The following FOXD1 variants were observed in gnomAD, a reference collection of about 807,000 sequenced individuals.
The protein encoded by FOXD1 is forkhead box D1, also known as forkhead box protein D1.
In FOXD1, 4 loss-of-function variants were observed where a neutral mutation model predicts 2.0. The observed-to-expected ratio is 2.03, with a 90% CI of 1.00 to 4.64. The LOEUF (loss-of-function observed/expected upper bound fraction) is 4.64, where lower values mean the gene tolerates loss of function less well. FOXD1 is among the 30% of genes most tolerant of loss of function. The pLI is 0.01. For synonymous variants in FOXD1, 354 were observed against 328.5 expected, an observed-to-expected ratio of 1.08 and a Z score of -0.84; for missense variants, 586 against 647.6, an observed-to-expected ratio of 0.90 and a Z score of 1.03.
chr5:73,448,198 C>T lies in FOXD1; in HGVS notation c.165G>A (p.Arg55=). ...CGTCCTCCCCGGCGTACGAGCGCCGCCGCCGCCGCCGCTGCGCGGGGACAG... is the reference window on the plus strand; with the variant it reads ...CGTCCTCCCCGGCGTACGAGCGCCGTCGCCGCCGCCGCTGCGCGGGGACAG... ...RLAVPAQRRR[R]RRSYAGEDEL... is the part of the protein sequence containing the mutation. Residue 55 remains arginine, a synonymous_variant, in exon 1 of 1, where the codon CGG becomes CGA. Coordinates refer to ENST00000615637, the MANE Select transcript of FOXD1 (RefSeq NM_004472.3). The T allele has an allele frequency of 6.9e-7, 1 of 1,454,990 alleles. No individual in the cohort carries two copies. The allele number at this position is 1,454,990 out of a possible 1,614,324, so 90.1% of individuals were successfully genotyped here.
In FOXD1 at chr5:73,447,793, G is replaced by T; in HGVS notation, c.570C>A (p.Pro190=). Residue 190 remains proline (P), a synonymous_variant, in exon 1 of 1, where the codon CCC becomes CCA. Transcript: ENST00000615637. This position sits in a 1 kb window ranked among gnomAD's most constrained non-coding sequence, Gnocchi z 7.8. The part of the protein sequence containing the change: ...NDCFVKIPRE[P]GNPGKGNYWT... ...AGTAGTTGCCCTTGCCCGGGTTGCC[G>T]GGCTCGCGGGGGATCTTGACGAAGC... The T allele has an allele frequency of 6.2e-7, 1 of 1,610,598 alleles. No individual in the cohort carries two copies. Among genetic ancestry groups the T allele is most frequent in the Non-Finnish European group, 8.5e-7 (1 of 1,178,406 alleles).
Position 73,446,962 on chromosome 5 carries a change from T to C in FOXD1, c.*3A>G. The C allele has an allele frequency of 6.5e-7, 1 of 1,543,782 alleles. No individual in the cohort carries two copies. Among genetic ancestry groups the C allele is most frequent in the Non-Finnish European group, 8.8e-7 (1 of 1,142,654 alleles). On this transcript the variant is annotated 3_prime_UTR_variant, in exon 1 of 1. Transcript: ENST00000615637. The stretch of plus-strand genomic sequence containing the variant: ...CTTCCTCGAGCGCGCTAACATAGCG[T>C]TATTAACAATTGGAAATCCTAGCAG...
In FOXD1 at chr5:73,447,039, C is replaced by T. The variant is rs1323103324; in HGVS notation, c.1324G>A (p.Ala442Thr). ...AAASSVSSSA[A>T]LGTLHQGTAL... ...GTCCCTTGGTGCAGAGTCCCCAAGG[C>T]GGCGGACGAGGAGACTGAGGAGGCG... Residue 442 changes from alanine to threonine, a missense_variant, in exon 1 of 1, where the codon GCC becomes ACC. Ala to Thr is a moderately conservative substitution (Grantham distance 58). This residue lies in a region of FOXD1 where 46 missense variants were observed against 78.6 expected (regional missense o/e 0.58). Transcript: ENST00000615637. The surrounding 1 kb of genome is among the most constrained non-coding windows in gnomAD (Gnocchi z 7.8). 4 of 1,537,174 alleles carry T rather than the reference C, an allele frequency of 2.6e-6. No homozygotes were observed. The highest frequency in any genetic ancestry group is 3.4e-4 in the Middle Eastern group (2 of 5,800).
In FOXD1 at chr5:73,446,560, T is replaced by C. The variant is rs895812330; in HGVS notation, c.*405A>G. 1 of 171,368 alleles carries C rather than the reference T, an allele frequency of 5.8e-6. No individual in the cohort carries two copies. Among genetic ancestry groups the C allele is most frequent in the Non-Finnish European group, 1.3e-5 (1 of 79,814 alleles). The allele number at this position is 171,368 out of a possible 1,614,324, so 10.6% of individuals were successfully genotyped here. On this transcript the variant is annotated 3_prime_UTR_variant, in exon 1 of 1. Transcript: ENST00000615637. ...CTTCGCTGGCATTCTTCAAGACCTT[T>C]ACTATTTTTGTATTATTCTTTTGAC...
Position 73,448,297 on chromosome 5 carries a change from C to T in FOXD1, c.66G>A (p.Val22=), listed in dbSNP as rs1287731896. The change falls in exon 1 of 1, where the codon GTG becomes GTA. Residue 22 remains valine (V), a synonymous_variant. Transcript: ENST00000615637. ...CGTCTTCTTCGTCCTCGCCCTCCCC[C>T]ACCACGTCGATGTCTGTTTCCTCGG... ...GLAEETDIDV[V]GEGEDEEDEE... 2.7e-6 allele frequency: 4 copies of T among 1,468,050 alleles called. No individual in the cohort carries two copies. Among genetic ancestry groups the T allele is most frequent in the Non-Finnish European group, 3.6e-6 (4 of 1,101,744 alleles). 90.9% of individuals were successfully genotyped at this position (1,468,050 alleles called of 1,614,324 possible).
rs1289181456 is a variant in FOXD1, at chr5:73,447,375, G to C, written c.988C>G (p.Arg330Gly). Reference protein sequence around the residue: ...AELARTAFGYRPHPLGAALPG... With the variant: ...AELARTAFGYGPHPLGAALPG... ...AGGGCGGCGCCGAGCGGGTGCGGCC[G>C]GTAGCCGAAGGCGGTCCGGGCCAGC... The change falls in exon 1 of 1, where the codon CGG becomes GGG. Residue 330 changes from arginine (R) to glycine (G), a missense_variant. Arg to Gly is a moderately radical substitution (Grantham distance 125). Around this residue, in one of 4 missense-constraint regions of FOXD1, gnomAD observed 253 missense variants for 234.4 expected, o/e 1.08. Coordinates refer to ENST00000615637, the MANE Select transcript of FOXD1 (RefSeq NM_004472.3). The surrounding 1 kb of genome is among the most constrained non-coding windows in gnomAD (Gnocchi z 7.8). 1 of 982,616 alleles carries C rather than the reference G, an allele frequency of 1.0e-6. No individual in the cohort carries two copies. Among genetic ancestry groups the C allele is most frequent in the Non-Finnish European group, 1.2e-6 (1 of 829,654 alleles). 60.9% of individuals were successfully genotyped at this position (982,616 alleles called of 1,614,324 possible).
chr5:73,447,951 T>G lies in FOXD1; in HGVS notation c.412A>C (p.Ile138Leu). 6.2e-7 allele frequency: 1 copy of G among 1,608,074 alleles called. No individual in the cohort carries two copies. Among genetic ancestry groups the G allele is most frequent in the Non-Finnish European group, 8.5e-7 (1 of 1,177,182 alleles). The part of the protein sequence containing the change: ...YSYIALITMA[I>L]LQSPKKRLTL... ...AGCCGCTTCTTGGGGCTCTGCAGGA[T>G]GGCCATAGTGATGAGCGCGATATAC... The change falls in exon 1 of 1, where the codon ATC becomes CTC. Residue 138 changes from isoleucine (I) to leucine (L), a missense_variant. Transcript: ENST00000615637. The surrounding 1 kb of genome is among the most constrained non-coding windows in gnomAD (Gnocchi z 7.8).
Position 73,447,668 on chromosome 5 carries a change from G to C in FOXD1, c.695C>G (p.Ala232Gly). 6.3e-7 allele frequency: 1 copy of C among 1,580,036 alleles called. No homozygotes were observed. The highest frequency in any genetic ancestry group is 1.4e-5 in the African/African-American group (1 of 72,566). Residue 232 changes from alanine to glycine, a missense_variant, in exon 1 of 1, where the codon GCG becomes GGG. Around this residue, in one of 4 missense-constraint regions of FOXD1, gnomAD observed 253 missense variants for 234.4 expected, o/e 1.08. Transcript: ENST00000615637. The surrounding 1 kb of genome is among the most constrained non-coding windows in gnomAD (Gnocchi z 7.8). ...KRQPLLPPNA[A>G]AAESLLLRGA... ...GCGCAGCAGCAGAGACTCGGCGGCC[G>C]CGGCGTTGGGTGGGAGCAGCGGCTG...
In FOXD1 at chr5:73,448,373, C is replaced by G. The variant is rs1402151463; in HGVS notation, c.-11G>C. On this transcript the variant is annotated 5_prime_UTR_variant, in exon 1 of 1. Coordinates refer to ENST00000615637, the MANE Select transcript of FOXD1 (RefSeq NM_004472.3). ...AGTGCTCAGGGTCATAGCTGTGGCG[C>G]GGCGGCGGCGGGGCGGCGCATGGGG... The G allele has an allele frequency of 8.2e-6, 10 of 1,214,144 alleles. No homozygotes were observed. The highest frequency in any genetic ancestry group is 1.0e-5 in the Non-Finnish European group (10 of 959,632). 75.2% of individuals were successfully genotyped at this position (1,214,144 alleles called of 1,614,324 possible).
In FOXD1 at chr5:73,448,280, T is replaced by G; in HGVS notation, c.83A>C (p.Glu28Ala). 1 of 1,474,170 alleles carries G rather than the reference T, an allele frequency of 6.8e-7. No homozygotes were observed. The highest frequency in any genetic ancestry group is 9.1e-7 in the Non-Finnish European group (1 of 1,104,846). 91.3% of individuals were successfully genotyped at this position (1,474,170 alleles called of 1,614,324 possible). A position where few individuals can be genotyped will look rare whatever the true frequency, so the allele number is the denominator to read the frequency against. ...GTCGTCCTCCTCTTCCTCGTCTTCTTCGTCCTCGCCCTCCCCCACCACGTC... is the reference window on the plus strand; with the variant it reads ...GTCGTCCTCCTCTTCCTCGTCTTCTGCGTCCTCGCCCTCCCCCACCACGTC... ...DIDVVGEGED[E>A]EDEEEEDDDE... is the part of the protein sequence containing the mutation. Residue 28 changes from glutamate (E) to alanine (A), a missense_variant, in exon 1 of 1, where the codon GAA becomes GCA. Glu to Ala is a moderately radical substitution (Grantham distance 107, BLOSUM62 -1). This residue lies in a region of FOXD1 where 183 missense variants were observed against 159.2 expected (regional missense o/e 1.15). Coordinates refer to ENST00000615637, the MANE Select transcript of FOXD1 (RefSeq NM_004472.3).
At position 73,448,164 on chromosome 5, in the gene FOXD1, C is replaced by G. The variant is rs1338321580; in HGVS notation, c.199G>C (p.Asp67His). The G allele has an allele frequency of 2.1e-6, 3 of 1,434,860 alleles. No homozygotes were observed. Among genetic ancestry groups the G allele is most frequent in the Non-Finnish European group, 2.8e-6 (3 of 1,087,158 alleles). 88.9% of individuals were successfully genotyped at this position (1,434,860 alleles called of 1,614,324 possible). A position where few individuals can be genotyped will look rare whatever the true frequency, so the allele number is the denominator to read the frequency against. ...TCGTCGTCCTCCTCCTCCTCCAGAT[C>G]CTCCAGCTCGTCCTCCCCGGCGTAC... ...RSYAGEDELE[D>H]LEEEEDDDDI... is the part of the protein sequence containing the mutation. The change falls in exon 1 of 1, where the codon GAT (aspartate) becomes CAT (histidine). Residue 67 changes from aspartate (D) to histidine (H), a missense_variant. Transcript: ENST00000615637.
rs1405047635 is a variant in FOXD1, at chr5:73,448,418, C to G, written c.-56G>C. The G allele has an allele frequency of 2.4e-5, 26 of 1,078,202 alleles. No individual in the cohort carries two copies. The highest frequency in any genetic ancestry group is 4.1e-5 in the South Asian group (1 of 24,162). 66.8% of individuals were successfully genotyped at this position (1,078,202 alleles called of 1,614,324 possible). A position where few individuals can be genotyped will look rare whatever the true frequency, so the allele number is the denominator to read the frequency against. The stretch of plus-strand genomic sequence containing the variant: ...ATGGGGGCGCCGGGCTCCGGGCTCC[C>G]TCTGCGCCCCAGCCCGGGTCCCGGG... On this transcript the variant is annotated 5_prime_UTR_variant, in exon 1 of 1. Coordinates refer to ENST00000615637, the MANE Select transcript of FOXD1 (RefSeq NM_004472.3).
Position 73,447,310 on chromosome 5 carries a change from G to C in FOXD1, c.1053C>G (p.Gly351=). ...PLPASAAKAG[G]PGASALARSP... ...AGCGCGCCAGCGCTGAGGCGCCCGG[G>C]CCGCCCGCCTTGGCCGCGGAGGCCG... The change falls in exon 1 of 1, where the codon GGC becomes GGG. Residue 351 remains glycine (G), a synonymous_variant. Transcript: ENST00000615637. The surrounding 1 kb of genome is among the most constrained non-coding windows in gnomAD (Gnocchi z 7.8). 1 of 985,052 alleles carries C rather than the reference G, an allele frequency of 1.0e-6. No homozygotes were observed. Among genetic ancestry groups the C allele is most frequent in the Non-Finnish European group, 1.2e-6 (1 of 831,206 alleles). 61.0% of individuals were successfully genotyped at this position (985,052 alleles called of 1,614,324 possible). A position where few individuals can be genotyped will look rare whatever the true frequency, so the allele number is the denominator to read the frequency against.
At position 73,447,623 on chromosome 5, in the gene FOXD1, C is replaced by G. The variant is rs774028561; in HGVS notation, c.740G>C (p.Gly247Ala). Residue 247 changes from glycine (G) to alanine (A), a missense_variant, in exon 1 of 1, where the codon GGC becomes GCC. Coordinates refer to ENST00000615637, the MANE Select transcript of FOXD1 (RefSeq NM_004472.3). The surrounding 1 kb of genome is among the most constrained non-coding windows in gnomAD (Gnocchi z 7.8). ...LLLRGAGAAG[G>A]AGDPAAAAAL... ...GGCGGCGGCTGCCGGGTCGCCCGCG[C>G]CCCCTGCGGCTCCCGCGCCGCGCAG... is the stretch of plus-strand genomic sequence containing the variant. 1.5e-4 allele frequency: 205 copies of G among 1,343,748 alleles called. No individual in the cohort carries two copies. Among genetic ancestry groups the G allele is most frequent in the Non-Finnish European group, 1.9e-4 (195 of 1,048,366 alleles). The allele number at this position is 1,343,748 out of a possible 1,614,324, so 83.2% of individuals were successfully genotyped here. A position where few individuals can be genotyped will look rare whatever the true frequency, so the allele number is the denominator to read the frequency against.
In FOXD1 at chr5:73,448,139, T is replaced by G; in HGVS notation, c.224A>C (p.Asp75Ala). 1.5e-6 allele frequency: 2 copies of G among 1,373,288 alleles called. No homozygotes were observed. The highest frequency in any genetic ancestry group is 1.9e-6 in the Non-Finnish European group (2 of 1,055,068). 85.1% of individuals were successfully genotyped at this position (1,373,288 alleles called of 1,614,324 possible). ...LEDLEEEEDD[D>A]DILLAPPAGG... ...AGCAGGCGGGGCCAGCAGGATGTCA[T>G]CGTCGTCCTCCTCCTCCTCCAGATC... is the stretch of plus-strand genomic sequence containing the variant. Residue 75 changes from aspartate to alanine, a missense_variant, in exon 1 of 1, where the codon GAT (aspartate) becomes GCT (alanine). Physicochemically the swap from Asp to Ala is moderately radical, Grantham distance 126 (BLOSUM62 -2). This residue lies in a region of FOXD1 where 183 missense variants were observed against 159.2 expected (regional missense o/e 1.15). Coordinates refer to ENST00000615637, the MANE Select transcript of FOXD1 (RefSeq NM_004472.3).
At position 73,446,957 on chromosome 5, in the gene FOXD1, T is replaced by C. The variant is rs1280437238; in HGVS notation, c.*8A>G. On this transcript the variant is annotated 3_prime_UTR_variant, in exon 1 of 1. Coordinates refer to ENST00000615637, the MANE Select transcript of FOXD1 (RefSeq NM_004472.3). ...ACCTTCTTCCTCGAGCGCGCTAACATAGCGTTATTAACAATTGGAAATCCT... is the reference window on the plus strand; with the variant it reads ...ACCTTCTTCCTCGAGCGCGCTAACACAGCGTTATTAACAATTGGAAATCCT... 8 of 1,526,982 alleles carry C rather than the reference T, an allele frequency of 5.2e-6. No individual in the cohort carries two copies. The highest frequency in any genetic ancestry group is 3.6e-5 in the South Asian group (3 of 83,846). 94.6% of individuals were successfully genotyped at this position (1,526,982 alleles called of 1,614,324 possible). A position where few individuals can be genotyped will look rare whatever the true frequency, so the allele number is the denominator to read the frequency against.
chr5:73,447,253 GC>G lies in FOXD1; in HGVS notation c.1109del (p.Gly370AlafsTer203). The G allele has an allele frequency of 1.0e-6, 1 of 991,864 alleles. No individual in the cohort carries two copies. The highest frequency in any genetic ancestry group is 1.2e-6 in the Non-Finnish European group (1 of 837,450). The allele number at this position is 991,864 out of a possible 1,614,324, so 61.4% of individuals were successfully genotyped here. On this transcript the variant is annotated frameshift_variant, in exon 1 of 1. Coordinates refer to ENST00000615637, the MANE Select transcript of FOXD1 (RefSeq NM_004472.3). LOFTEE classifies it low-confidence loss of function (END_TRUNC). This position sits in a 1 kb window ranked among gnomAD's most constrained non-coding sequence, Gnocchi z 7.8. The stretch of plus-strand genomic sequence containing the variant: ...CGGCAGCGGCGGCCGGGCCCAAGCT[GC>G]CCCCGATGATGCTCTCGATGGAGAA... ...SPFSIESIIG[G>X]SLGPAAAAAA...
rs1277846007 is a variant in FOXD1, at chr5:73,448,098, G to A, written c.265C>T (p.Pro89Ser). 8.6e-6 allele frequency: 10 copies of A among 1,159,500 alleles called. No individual in the cohort carries two copies. The East Asian group carries it at 3.8e-4, about 44-fold the overall frequency. 71.8% of individuals were successfully genotyped at this position (1,159,500 alleles called of 1,614,324 possible). A position where few individuals can be genotyped will look rare whatever the true frequency, so the allele number is the denominator to read the frequency against. The change falls in exon 1 of 1, where the codon CCC (proline) becomes TCC (serine). Residue 89 changes from proline to serine, a missense_variant. Coordinates refer to ENST00000615637, the MANE Select transcript of FOXD1 (RefSeq NM_004472.3). Reference sequence around the variant, plus strand: ...CCCGCCGCCGGGGCCGGGCCCGGGGGCGCCGGGGAGCCCCCAGCAGGCGGG... The same window carrying A: ...CCCGCCGCCGGGGCCGGGCCCGGGGACGCCGGGGAGCCCCCAGCAGGCGGG... ...LAPPAGGSPAPPGPAPAAGAG... is the reference protein window; with the variant it reads ...LAPPAGGSPASPGPAPAAGAG...
rs1482490858 is a variant in FOXD1 at position 73,447,335 on chromosome 5, G to A, written c.1028C>T (p.Pro343Leu). 2.0e-6 allele frequency: 2 copies of A among 984,276 alleles called. No homozygotes were observed. The highest frequency in any genetic ancestry group is 1.1e-4 in the East Asian group (1 of 8,828). 61.0% of individuals were successfully genotyped at this position (984,276 alleles called of 1,614,324 possible). A position where few individuals can be genotyped will look rare whatever the true frequency, so the allele number is the denominator to read the frequency against. ...GCCGCCCGCCTTGGCCGCGGAGGCC[G>A]GCAGGGGGCCGGGTAGGGCGGCGCC... ...PLGAALPGPL[P>L]ASAAKAGGPG... The change falls in exon 1 of 1, where the codon CCG becomes CTG. Residue 343 changes from proline to leucine, a missense_variant. Pro to Leu is a moderately conservative substitution (Grantham distance 98). Transcript: ENST00000615637. The surrounding 1 kb of genome is among the most constrained non-coding windows in gnomAD (Gnocchi z 7.8).
Sources: gnomAD v4.1 joint callset for allele counts on GRCh38, gnomAD v4.1.1 for gene constraint, gnomAD v4.1.1 regional missense constraint, Gnocchi (gnomAD v3.1) non-coding constraint, MANE v1.5 for transcripts, NCBI Gene and HGNC (gene_info 2026-07-23, HGNC 2026-07-21) for gene names.